CFAP299: variants seen among roughly 807,000 people sequenced by gnomAD.
CFAP299 encodes cilia and flagella associated protein 299, also known as cilia- and flagella-associated protein 299.
A neutral mutation model predicts 27.0 loss-of-function variants in CFAP299; 21 were observed. The ratio of observed to expected loss-of-function variants is 0.78; its 90% CI spans 0.55 to 1.12. The LOEUF (loss-of-function observed/expected upper bound fraction) is 1.12. Among genes scored for constraint, CFAP299 ranks in the 50% most tolerant of loss-of-function variants. The pLI is 0.00. For synonymous variants in CFAP299, 104 were observed against 98.1 expected, an observed-to-expected ratio of 1.06 and a Z score of -0.36; for missense variants, 310 against 276.6, an observed-to-expected ratio of 1.12 and a Z score of -0.86.
chr4:80,757,220 G>C (rs1466025648), intron 3 of CFAP299, among the ~76,000 whole-genome samples: 1 of 151,784 alleles, frequency 6.6e-6, no homozygotes, highest in Non-Finnish European at 1.5e-5. Flanking sequence ...AGAGAAATTA[G>C]ATTTCTTTTT....
rs946815129 is a variant in CFAP299, at chr4:80,880,762, T to A, written c.476+10627T>A. Reference sequence around the variant, plus strand: ...TAAAATAAAATAAAATAAAATTAAATTAAATTAAAATTTTAAAAAGATGAA... The same window carrying A: ...TAAAATAAAATAAAATAAAATTAAAATAAATTAAAATTTTAAAAAGATGAA... On this transcript the variant is annotated intron_variant, in intron 4 of 5. Transcript: ENST00000358105. Among the ~76,000 whole-genome samples the A allele has an allele frequency of 4.0e-5, 6 of 151,688 alleles. No individual in the cohort carries two copies. The East Asian group carries it at 9.6e-4, about 24-fold the overall frequency.
chr4:80,800,654 T>A lies in CFAP299; in HGVS notation c.334-69339T>A, dbSNP rs1170417179. Among the ~76,000 whole-genome samples, 87 of 102,126 alleles carry A rather than the reference T, an allele frequency of 8.5e-4. 1 individual carries two copies. The highest frequency in any genetic ancestry group is 3.6e-3 in the African/African-American group (86 of 24,156). The allele number at this position is 102,126 out of a possible 152,430, so 67.0% of individuals were successfully genotyped here. On this transcript the variant is annotated intron_variant, in intron 3 of 5. Transcript: ENST00000358105. ...TATAAATATATAATATATTAATATATATATGATATATTAATATAAATATAT... is the reference window on the plus strand; with the variant it reads ...TATAAATATATAATATATTAATATAAATATGATATATTAATATAAATATAT...
intron 4 of CFAP299, among the ~76,000 whole-genome samples, chr4:80,895,678 C>G (rs1343047572): frequency 1.3e-5 from 2 of 152,000 alleles, no homozygotes; most frequent in African/African-American, 4.8e-5. Flanking sequence ...AAAGAGATTT[C>G]AATCCCTCCT....
chr4:80,661,620 C>G (rs1740852239), intron 3 of CFAP299, among the ~76,000 whole-genome samples: 1 of 152,052 alleles, frequency 6.6e-6, no homozygotes. Flanking sequence ...TGAATGTCGC[C>G]TCAGGACCCT....
chr4:80,867,074 G>A (rs11725685), intron 3 of CFAP299, among the ~76,000 whole-genome samples: 22,668 of 151,938 alleles, frequency 0.15, 2,034 homozygotes, highest in Middle Eastern at 0.28. Context: ...AATTCATCAA[G>A]GTGATCATGA....
chr4:80,858,357 A>G (rs904952872), intron 3 of CFAP299, among the ~76,000 whole-genome samples: 3 of 152,126 alleles, frequency 2.0e-5, no homozygotes, highest in African/African-American at 7.2e-5. Context: ...TCAAAAAACC[A>G]GCTCCTGGAT....
chr4:80,725,443 G>A (rs1723102642), intron 3 of CFAP299, among the ~76,000 whole-genome samples: 1 of 151,730 alleles, frequency 6.6e-6, no homozygotes. Flanking sequence ...CAAATGTCTG[G>A]AGATACTTGA....
chr4:80,656,418 C>T (rs757836043), intron 3 of CFAP299, among the ~76,000 whole-genome samples: 6 of 151,970 alleles, frequency 3.9e-5, no homozygotes, highest in Non-Finnish European at 7.4e-5. Context: ...ATGTTCCCCT[C>T]CTTGTGTCCG....
At position 80,564,318 on chromosome 4, in the gene CFAP299, A is replaced by G. The variant is rs190079461; in HGVS notation, c.243-18775A>G. Among the ~76,000 whole-genome samples, 366 of 152,182 alleles carry G rather than the reference A, an allele frequency of 2.4e-3. 1 individual carries two copies. Among genetic ancestry groups the G allele is most frequent in the African/African-American group, 8.3e-3 (347 of 41,564 alleles). On this transcript the variant is annotated intron_variant, in intron 2 of 5. Transcript: ENST00000358105. ...AAACCAAATTTAACAATACATTAGAAAGATCATTCATTATGATCAAGTGGC... is the reference window on the plus strand; with the variant it reads ...AAACCAAATTTAACAATACATTAGAGAGATCATTCATTATGATCAAGTGGC...
At chr4:80,336,193 A>G (rs1722131817) in intron 1 of CFAP299, among the ~76,000 whole-genome samples, 1 of 152,106 alleles carries the variant, frequency 6.6e-6, no homozygotes, top group Admixed American at 6.5e-5. Context: ...TCCCATTCCA[A>G]AGCCGCTCTC....
chr4:80,627,664 C>T (rs1738978318), intron 3 of CFAP299, among the ~76,000 whole-genome samples: 2 of 151,920 alleles, frequency 1.3e-5, no homozygotes, highest in African/African-American at 4.8e-5. Flanking sequence ...ACAAAATCAA[C>T]ATACAACACT....
intron 3 of CFAP299, among the ~76,000 whole-genome samples, chr4:80,869,073 G>A (rs574030480): frequency 6.6e-5 from 10 of 152,152 alleles, no homozygotes; most frequent in East Asian, 3.9e-4. Context: ...TTAAGGAGGC[G>A]CAGCCTTGCT....
intron 4 of CFAP299, among the ~76,000 whole-genome samples, chr4:80,891,789 TAAAAAA>T (rs1355453928): frequency 9.4e-4 from 33 of 35,072 alleles, no homozygotes; most frequent in African/African-American, 3.4e-3. Context: ...AAAAAAAAAA[TAAAAAA>T]AAAAATAAAA....
At chr4:80,650,424 T>C (rs1740223874) in intron 3 of CFAP299, among the ~76,000 whole-genome samples, 1 of 152,144 alleles carries the variant, frequency 6.6e-6, no homozygotes, top group Admixed American at 6.6e-5. Flanking sequence ...CATATCTCTT[T>C]AGCATCTTTT....
At chr4:80,512,995 A>T (rs546894114) in intron 2 of CFAP299, among the ~76,000 whole-genome samples, 1 of 152,296 alleles carries the variant, frequency 6.6e-6, no homozygotes, top group South Asian at 2.1e-4. Flanking sequence ...TTCTAACTGT[A>T]ACCCAAATTG....
At chr4:80,642,003 A>T (rs77573587) in intron 3 of CFAP299, among the ~76,000 whole-genome samples, 3,196 of 152,324 alleles carry the variant, frequency 0.021, 133 homozygotes, top group African/African-American at 0.073. Context: ...TCTGTTTCAC[A>T]GATATTTAGG....
At chr4:80,621,068 A>G (rs1738578913) in intron 3 of CFAP299, among the ~76,000 whole-genome samples, 1 of 152,084 alleles carries the variant, frequency 6.6e-6, no homozygotes, top group Non-Finnish European at 1.5e-5. Flanking sequence ...CCTATCATTA[A>G]TAGATTCCCA....
chr4:80,800,563 A>ATTG (rs1728484029), intron 3 of CFAP299, among the ~76,000 whole-genome samples: 1 of 75,050 alleles, frequency 1.3e-5, no homozygotes, highest in East Asian at 3.6e-4. Context: ...TATATTATAT[A>ATTG]ATATATTAAT....
rs1237994948 is a variant in CFAP299, at chr4:80,351,146, C to T, written c.112-11608C>T. On this transcript the variant is annotated intron_variant, in intron 1 of 5. Transcript: ENST00000358105. ...ACTAGAAATGTTTAATGAAGTTCTT[C>T]AGGTTGAAGGAAAATTATATATAAG... is the stretch of plus-strand genomic sequence containing the variant. Among the ~76,000 whole-genome samples the T allele has an allele frequency of 2.0e-5, 3 of 151,928 alleles. 1 individual carries two copies. Among genetic ancestry groups the T allele is most frequent in the Non-Finnish European group, 4.4e-5 (3 of 68,000 alleles).
Sources: gnomAD v4.1 joint callset for allele counts (sites outside exome capture counted in the v4.1 genomes callset) on GRCh38, gnomAD v4.1.1 for gene constraint, MANE v1.5 for transcripts, NCBI Gene and HGNC (gene_info 2026-07-23, HGNC 2026-07-21) for gene names.